The following MMP16 variants were observed in gnomAD, a reference collection of about 807,000 sequenced individuals.
The protein encoded by MMP16 is matrix metallopeptidase 16, also known as matrix metalloproteinase-16.
MMP16 carries 12 observed loss-of-function variants against 67.8 expected under a neutral mutation model. The ratio of observed to expected loss-of-function variants is 0.18; its 90% CI spans 0.11 to 0.29. The LOEUF (loss-of-function observed/expected upper bound fraction) is 0.29, where lower values mean the gene tolerates loss of function less well. Ranked by LOEUF, MMP16 falls within the 10% of genes least tolerant of loss-of-function variation. The pLI is 1.00. For missense variants in MMP16, 475 were observed against 765.7 expected, an observed-to-expected ratio of 0.62 and a Z score of 4.48; for synonymous variants, 249 against 255.9, an observed-to-expected ratio of 0.97 and a Z score of 0.26.
intron 1 of MMP16, among the ~76,000 whole-genome samples, chr8:88,277,749 G>C (rs567816945): frequency 8.5e-5 from 13 of 152,242 alleles, no homozygotes; most frequent in African/African-American, 3.1e-4. Flanking sequence ...CTGTGTGTAA[G>C]ACCAGTGATG....
At chr8:88,255,785 C>G (rs949585832) in intron 1 of MMP16, among the ~76,000 whole-genome samples, 1 of 152,182 alleles carries the variant, frequency 6.6e-6, no homozygotes, top group African/African-American at 2.4e-5. Context: ...GACTTCCACA[C>G]TGACGAACTG....
At position 88,121,595 on chromosome 8, in the gene MMP16, C is replaced by A. The variant is rs531350288; in HGVS notation, c.710-2734G>T. 1.6e-4 allele frequency among the ~76,000 whole-genome samples: 24 copies of A among 152,026 alleles called. No individual in the cohort carries two copies. In the South Asian group the frequency reaches 4.6e-3, roughly 29 times the overall value. On this transcript the variant is annotated intron_variant, in intron 4 of 9. Transcript: ENST00000286614. ...TAACTTATCATTAATTCACATTATT[C>A]AAAATCCTTAATTGTAATATGCCTT...
chr8:88,069,586 A>C (rs1330655283), intron 7 of MMP16: 6 of 455,886 alleles, frequency 1.3e-5, no homozygotes, highest in Non-Finnish European at 2.1e-5. Flanking sequence ...TCAGTGAAAA[A>C]TTTAGGCAGG....
chr8:88,074,050 T>C (rs756444005), intron 7 of MMP16, among the ~76,000 whole-genome samples: 14 of 152,188 alleles, frequency 9.2e-5, no homozygotes, highest in Non-Finnish European at 1.6e-4. Context: ...GTAATTTCAC[T>C]TTTGCTTGCC....
At chr8:88,090,974 TTTTC>T (rs1399156722) in intron 6 of MMP16, among the ~76,000 whole-genome samples, 2 of 151,862 alleles carry the variant, frequency 1.3e-5, no homozygotes, top group Non-Finnish European at 2.9e-5. Context: ...GGGGAAAGTC[TTTTC>T]TTTCTCTTTC....
intron 1 of MMP16, among the ~76,000 whole-genome samples, chr8:88,289,989 G>A (rs1471492732): frequency 1.3e-5 from 2 of 151,888 alleles, no homozygotes; most frequent in Non-Finnish European, 2.9e-5. Flanking sequence ...CAGAACTCTC[G>A]CTTTATCTGG....
intron 1 of MMP16, among the ~76,000 whole-genome samples, chr8:88,234,413 AC>A (rs962734736): frequency 1.3e-5 from 2 of 152,228 alleles, no homozygotes; most frequent in Non-Finnish European, 2.9e-5. Context: ...GAACACAATT[AC>A]TTTTCTTCCC....
At chr8:88,073,719 A>G (rs1563523979) in intron 7 of MMP16, among the ~76,000 whole-genome samples, 1 of 152,248 alleles carries the variant, frequency 6.6e-6, no homozygotes, top group East Asian at 1.9e-4. Context: ...TAAGCACCAT[A>G]GCATTATTTT....
At position 88,318,690 on chromosome 8, in the gene MMP16, A is replaced by G. The variant is rs77664422; in HGVS notation, c.132+8385T>C. 6.3e-3 allele frequency among the ~76,000 whole-genome samples: 952 copies of G among 152,316 alleles called. 6 individuals are homozygous for G. Among genetic ancestry groups the G allele is most frequent in the African/African-American group, 0.022 (904 of 41,574 alleles). On this transcript the variant is annotated intron_variant, in intron 1 of 9. Transcript: ENST00000286614. ...CTTCAAACCCTGTGTTGCAGATCCA[A>G]CACTGTGTAACAGAAATAGTCATAC... is the stretch of plus-strand genomic sequence containing the variant.
intron 3 of MMP16, among the ~76,000 whole-genome samples, chr8:88,177,926 GAT>G (rs34497805): frequency 6.6e-6 from 1 of 150,388 alleles, no homozygotes; most frequent in Non-Finnish European, 1.5e-5. Context: ...TTAAAGATGA[GAT>G]ATATATATAT....
chr8:88,279,027 T>C (rs1563582059), intron 1 of MMP16, among the ~76,000 whole-genome samples: 1 of 151,998 alleles, frequency 6.6e-6, no homozygotes, highest in Non-Finnish European at 1.5e-5. Flanking sequence ...ATCGAGACCA[T>C]CCTGGCCAAC....
At chr8:88,309,538 C>A (rs1172003962) in intron 1 of MMP16, among the ~76,000 whole-genome samples, 2 of 151,844 alleles carry the variant, frequency 1.3e-5, no homozygotes, top group Admixed American at 6.6e-5. Context: ...AAACCTGCAA[C>A]TCTTGGGCAG....
chr8:88,230,192 C>A (rs1260117213), intron 1 of MMP16, among the ~76,000 whole-genome samples: 1 of 152,050 alleles, frequency 6.6e-6, no homozygotes, highest in Non-Finnish European at 1.5e-5. Context: ...ACACTTATTG[C>A]CAGGCTACAC....
At chr8:88,258,304 T>C (rs1810335945) in intron 1 of MMP16, among the ~76,000 whole-genome samples, 1 of 152,194 alleles carries the variant, frequency 6.6e-6, no homozygotes, top group Admixed American at 6.5e-5. Context: ...TGCACCTAGT[T>C]CTGCACTCAG....
intron 4 of MMP16, among the ~76,000 whole-genome samples, chr8:88,160,089 T>C (rs1418601220): frequency 6.6e-6 from 1 of 151,974 alleles, no homozygotes; most frequent in African/African-American, 2.4e-5. Flanking sequence ...TCATTTAGCA[T>C]TAGGTATATC....
chr8:88,039,942 A>T lies in MMP16; in HGVS notation c.*1519T>A, dbSNP rs1808108775. On this transcript the variant is annotated 3_prime_UTR_variant, in exon 10 of 10. Transcript: ENST00000286614. This position sits in a 1 kb window ranked among gnomAD's most constrained non-coding sequence, Gnocchi z 4.5. The stretch of plus-strand genomic sequence containing the variant: ...CTTGGCTCTGTCAGTGATCAAATGG[A>T]CGGCTAAATGCCAGAAGCCACACTA... The T allele has an allele frequency of 6.6e-6, 1 of 152,598 alleles. No individual in the cohort carries two copies. The highest frequency in any genetic ancestry group is 6.6e-5 in the Admixed American group (1 of 15,262). 9.5% of individuals were successfully genotyped at this position (152,598 alleles called of 1,614,324 possible). A position where few individuals can be genotyped will look rare whatever the true frequency, so the allele number is the denominator to read the frequency against.
At chr8:88,236,007 A>C (rs1809934651) in intron 1 of MMP16, among the ~76,000 whole-genome samples, 1 of 152,178 alleles carries the variant, frequency 6.6e-6, no homozygotes, top group Admixed American at 6.5e-5. Flanking sequence ...GTCTTTACTC[A>C]CATAACTAGA....
At chr8:88,121,090 G>A (rs570904657) in intron 4 of MMP16, among the ~76,000 whole-genome samples, 13 of 128,614 alleles carry the variant, frequency 1.0e-4, no homozygotes, top group Admixed American at 5.6e-4. Context: ...TTTTTTTTCC[G>A]TTTTTGGCTA....
rs1213128879 is a variant in MMP16 at position 88,088,112 on chromosome 8, G to GATAGA, written c.1084-13370_1084-13369insTCTAT. Among the ~76,000 whole-genome samples the GATAGA allele has an allele frequency of 8.7e-3, 228 of 26,282 alleles. 1 individual carries two copies. The highest frequency in any genetic ancestry group is 0.018 in the Non-Finnish European group (197 of 11,052). 17.2% of individuals were successfully genotyped at this position (26,282 alleles called of 152,430 possible). A position where few individuals can be genotyped will look rare whatever the true frequency, so the allele number is the denominator to read the frequency against. ...TATAATAGATATCTGCTGACTGTAAGTACAGAAGACGTCTGACTGCGATCA... is the reference window on the plus strand; with the variant it reads ...TATAATAGATATCTGCTGACTGTAAGATAGATACAGAAGACGTCTGACTGCGATCA... On this transcript the variant is annotated intron_variant, in intron 6 of 9. Coordinates refer to ENST00000286614, the MANE Select transcript of MMP16 (RefSeq NM_005941.5).
Sources: allele counts gnomAD v4.1 joint callset (sites outside exome capture counted in the v4.1 genomes callset), GRCh38; gene constraint gnomAD v4.1.1; non-coding constraint Gnocchi (gnomAD v3.1); transcripts MANE v1.5; gene names NCBI Gene and HGNC (gene_info 2026-07-23, HGNC 2026-07-21).